Variants in TNS3 observed in about 807,000 individuals in gnomAD.
TNS3 encodes tensin 3.
Under a neutral mutation model 140.9 loss-of-function variants are expected in TNS3, and 45 were observed. The ratio of observed to expected loss-of-function variants is 0.32; its 90% CI spans 0.25 to 0.41. The LOEUF (loss-of-function observed/expected upper bound fraction) is 0.41. Ranked by LOEUF, TNS3 falls within the 10% of genes least tolerant of loss-of-function variation. The probability of loss-of-function intolerance (pLI) is 1.00; values close to 1 mark genes in which losing one functional copy is unlikely to be tolerated. For synonymous variants in TNS3, 815 were observed against 788.4 expected, an observed-to-expected ratio of 1.03 and a Z score of -0.56; for missense variants, 1,716 against 1,906.7, an observed-to-expected ratio of 0.90 and a Z score of 1.86.
At chr7:47,328,358 T>A (rs1179336426) in intron 20 of TNS3, among the ~76,000 whole-genome samples, 1 of 152,156 alleles carries the variant, frequency 6.6e-6, no homozygotes, top group Non-Finnish European at 1.5e-5. Context: ...TTTCATTTCT[T>A]TTCACTTTTT....
At chr7:47,526,602 A>T (rs1184282946) in intron 2 of TNS3, among the ~76,000 whole-genome samples, 1 of 152,186 alleles carries the variant, frequency 6.6e-6, no homozygotes, top group African/African-American at 2.4e-5. Context: ...TTTGCTCCTA[A>T]ATCAGACCTG....
intron 4 of TNS3, among the ~76,000 whole-genome samples, chr7:47,476,940 CA>C (rs1051505133): frequency 6.6e-6 from 1 of 152,216 alleles, no homozygotes; most frequent in African/African-American, 2.4e-5. Context: ...CTGCAGTAAA[CA>C]GAAGATTCTG....
intron 5 of TNS3, among the ~76,000 whole-genome samples, chr7:47,440,297 G>C (rs535355211): frequency 6.6e-6 from 1 of 152,070 alleles, no homozygotes; most frequent in Non-Finnish European, 1.5e-5. Flanking sequence ...TAATCAAAGC[G>C]GCCTTTCATC....
chr7:47,499,360 A>G (rs886521835), intron 3 of TNS3, among the ~76,000 whole-genome samples: 4 of 152,232 alleles, frequency 2.6e-5, no homozygotes, highest in African/African-American at 9.6e-5. Context: ...ATCTTACAGG[A>G]AAAGGAATAA....
At chr7:47,345,156 T>C (rs115411421) in intron 18 of TNS3, 118 bp from the exon 19 acceptor site, 1 of 730,244 alleles carries the variant, frequency 1.4e-6, no homozygotes, top group South Asian at 1.6e-5. Context: ...CCTCTGACAG[T>C]AGGACAAGGA....
intron 4 of TNS3, among the ~76,000 whole-genome samples, chr7:47,480,643 A>G (rs577231932): frequency 6.6e-6 from 1 of 151,466 alleles, no homozygotes; most frequent in Non-Finnish European, 1.5e-5. Flanking sequence ...TATTGTGTTT[A>G]CCTTCAATCT....
chr7:47,493,909 C>T (rs907831371), intron 3 of TNS3, among the ~76,000 whole-genome samples: 1 of 152,102 alleles, frequency 6.6e-6, no homozygotes, highest in Non-Finnish European at 1.5e-5. Context: ...TAAAATTAAG[C>T]ATTGAGCTGC....
intron 1 of TNS3, among the ~76,000 whole-genome samples, chr7:47,561,286 C>G (rs1800314930): frequency 6.6e-6 from 1 of 152,178 alleles, no homozygotes; most frequent in African/African-American, 2.4e-5. Flanking sequence ...TCTTATCACA[C>G]TGCCTTTGGC....
At chr7:47,549,317 C>T (rs1800000682) in intron 1 of TNS3, among the ~76,000 whole-genome samples, 1 of 152,160 alleles carries the variant, frequency 6.6e-6, no homozygotes, top group African/African-American at 2.4e-5. Context: ...ATGGTGAAAC[C>T]CTGTCTCTAC....
chr7:47,499,221 A>G (rs978852249), intron 3 of TNS3, among the ~76,000 whole-genome samples: 2 of 152,218 alleles, frequency 1.3e-5, no homozygotes, highest in African/African-American at 4.8e-5. Context: ...GGGAGTCAGG[A>G]GTAATAGTTC....
intron 27 of TNS3, among the ~76,000 whole-genome samples, chr7:47,290,862 C>A (rs1341503781): frequency 1.3e-5 from 2 of 152,168 alleles, no homozygotes; most frequent in Admixed American, 6.5e-5. Flanking sequence ...AAACTTATAT[C>A]CACTCAAAAA....
chr7:47,341,793 G>C (rs1158112860), intron 20 of TNS3, among the ~76,000 whole-genome samples: 2 of 151,744 alleles, frequency 1.3e-5, no homozygotes, highest in Non-Finnish European at 2.9e-5. Flanking sequence ...TCTAGGTTAT[G>C]GAGGTAAGAG....
intron 1 of TNS3, among the ~76,000 whole-genome samples, chr7:47,563,933 C>G (rs968920796): frequency 2.6e-5 from 4 of 152,178 alleles, no homozygotes; most frequent in African/African-American, 9.7e-5. Flanking sequence ...GTGGCTCACG[C>G]CTGTAATCCC....
intron 20 of TNS3, among the ~76,000 whole-genome samples, chr7:47,323,522 A>G (rs1787865476): frequency 6.6e-6 from 1 of 152,272 alleles, no homozygotes; most frequent in African/African-American, 2.4e-5. Context: ...TTCCAAAAGG[A>G]AAGAAGAATG....
At position 47,278,005 on chromosome 7, in the gene TNS3, C is replaced by T. The variant is rs746329635; in HGVS notation, c.*71G>A. 4 of 1,604,646 alleles carry T rather than the reference C, an allele frequency of 2.5e-6. No individual in the cohort carries two copies. The highest frequency in any genetic ancestry group is 3.4e-6 in the Non-Finnish European group (4 of 1,173,534). ...TACTAGTTTGGTAAAAAGTGGGGGC[C>T]CCACCCTCACCCAACGGCTGTCTCC... On this transcript the variant is annotated 3_prime_UTR_variant, in exon 31 of 31. Transcript: ENST00000311160.
intron 1 of TNS3, among the ~76,000 whole-genome samples, chr7:47,578,578 G>C (rs71545998): frequency 6.6e-6 from 1 of 152,154 alleles, no homozygotes; most frequent in Admixed American, 6.5e-5. Context: ...GCGGTGGTTA[G>C]AGGTGTGTCT....
At chr7:47,449,305 G>C (rs78417682) in intron 4 of TNS3, among the ~76,000 whole-genome samples, 22,306 of 152,228 alleles carry the variant, frequency 0.15, 2,008 homozygotes, top group African/African-American at 0.25. Flanking sequence ...CCATTGCCAT[G>C]GGGTGAAAGG....
intron 20 of TNS3, among the ~76,000 whole-genome samples, chr7:47,330,871 C>T (rs1562600279): frequency 6.6e-6 from 1 of 152,080 alleles, no homozygotes; most frequent in Non-Finnish European, 1.5e-5. Context: ...CCCTTAACAC[C>T]CTCCCACCAG....
At chr7:47,550,209 C>T (rs675242) in intron 1 of TNS3, among the ~76,000 whole-genome samples, 61,352 of 151,846 alleles carry the variant, frequency 0.4, 13,051 homozygotes, top group Non-Finnish European at 0.48. Context: ...AAGGCCCAGA[C>T]GCGAGAAGGG....
Sources: gnomAD v4.1 joint callset for allele counts (sites outside exome capture counted in the v4.1 genomes callset) on GRCh38, gnomAD v4.1.1 for gene constraint, MANE v1.5 for transcripts, NCBI Gene and HGNC (gene_info 2026-07-23, HGNC 2026-07-21) for gene names.